Variants in UBR3 observed in about 807,000 individuals in gnomAD.
UBR3 encodes the protein ubiquitin protein ligase E3 component n-recognin 3.
A neutral mutation model predicts 243.2 loss-of-function variants in UBR3; 85 were observed. That is an observed-to-expected ratio of 0.35 (90% CI 0.29 to 0.42). The LOEUF (loss-of-function observed/expected upper bound fraction) is 0.42, where lower values mean the gene tolerates loss of function less well. Ranked by LOEUF, UBR3 falls within the 10% of genes least tolerant of loss-of-function variation. UBR3 has a pLI of 1.00. For missense variants in UBR3, 1,686 were observed against 2,300.8 expected, an observed-to-expected ratio of 0.73 and a Z score of 5.47; for synonymous variants, 748 against 799.8, an observed-to-expected ratio of 0.94 and a Z score of 1.09.
intron 31 of UBR3, among the ~76,000 whole-genome samples, chr2:170,035,655 CT>C (rs1340282174): frequency 6.6e-6 from 1 of 151,740 alleles, no homozygotes; most frequent in African/African-American, 2.4e-5. Context: ...TGTTTTGCCT[CT>C]CTATATAAAT....
intron 29 of UBR3, among the ~76,000 whole-genome samples, chr2:170,011,260 T>C (rs1217142614): frequency 3.3e-5 from 5 of 152,174 alleles, no homozygotes; most frequent in South Asian, 2.1e-4. Context: ...AAATACATTG[T>C]AATTTTCTCA....
intron 1 of UBR3, among the ~76,000 whole-genome samples, chr2:169,855,774 G>C (rs559980007): frequency 2.6e-3 from 393 of 152,314 alleles, no homozygotes; most frequent in Admixed American, 5.9e-3. Context: ...GTAACAATCC[G>C]ATCTCTCTTT....
chr2:169,855,121 G>A (rs2082792254), intron 1 of UBR3, among the ~76,000 whole-genome samples: 2 of 152,120 alleles, frequency 1.3e-5, no homozygotes, highest in Non-Finnish European at 2.9e-5. Flanking sequence ...ATAATATGCA[G>A]ATTCTTTCTT....
chr2:169,915,482 C>T (rs147029380), intron 11 of UBR3, among the ~76,000 whole-genome samples: 2,971 of 152,206 alleles, frequency 0.02, 106 homozygotes, highest in African/African-American at 0.065. Flanking sequence ...GTGATTCACC[C>T]GCCTCAGCCT....
At chr2:170,041,387 A>G (rs2090964875) in intron 32 of UBR3, among the ~76,000 whole-genome samples, 1 of 152,224 alleles carries the variant, frequency 6.6e-6, no homozygotes, top group South Asian at 2.1e-4. Flanking sequence ...AAAATGGTTT[A>G]AAAAATTGAA....
chr2:169,984,465 T>TGG, intron 24 of UBR3, among the ~76,000 whole-genome samples: 1 of 152,314 alleles, frequency 6.6e-6, no homozygotes, highest in East Asian at 1.9e-4. Flanking sequence ...TGACTCTGTA[T>TGG]ATTAGTTTTT....
intron 19 of UBR3, among the ~76,000 whole-genome samples, chr2:169,942,215 G>A (rs1289830055): frequency 6.6e-6 from 1 of 152,066 alleles, no homozygotes; most frequent in Non-Finnish European, 1.5e-5. Flanking sequence ...AGTACTTCAT[G>A]TGTATTCTTT....
chr2:169,968,565 C>T (rs1275019480), intron 24 of UBR3, among the ~76,000 whole-genome samples: 1 of 152,002 alleles, frequency 6.6e-6, no homozygotes, highest in African/African-American at 2.4e-5. Flanking sequence ...CCATTCTATA[C>T]ACACACACAC....
At chr2:170,004,998 T>C (rs10930390) in intron 27 of UBR3, among the ~76,000 whole-genome samples, 122,584 of 151,896 alleles carry the variant, frequency 0.81, 49,898 homozygotes, top group Middle Eastern at 0.89. Flanking sequence ...CCGAGGCGGA[T>C]GGATCACGAG....
intron 1 of UBR3, among the ~76,000 whole-genome samples, chr2:169,871,656 G>C (rs1463746748): frequency 1.3e-5 from 2 of 148,738 alleles, no homozygotes; most frequent in South Asian, 2.1e-4. Flanking sequence ...GCTGAGGTGG[G>C]GGAATCGCTT....
intron 28 of UBR3, among the ~76,000 whole-genome samples, chr2:170,008,080 C>G (rs988830968): frequency 2.0e-5 from 3 of 152,120 alleles, no homozygotes; most frequent in Non-Finnish European, 4.4e-5. Flanking sequence ...ATTGATTGAA[C>G]TGTTCATCAC....
intron 30 of UBR3, among the ~76,000 whole-genome samples, chr2:170,026,364 A>T (rs1050504673): frequency 6.6e-6 from 1 of 152,114 alleles, no homozygotes; most frequent in African/African-American, 2.4e-5. Flanking sequence ...AATTTATTTC[A>T]TATTTGTACA....
chr2:170,061,034 T>A (rs72876447), intron 33 of UBR3, 45 bp from the exon 34 acceptor site: 182,613 of 1,263,758 alleles, frequency 0.14, 14,297 homozygotes, highest in Admixed American at 0.24. Context: ...GTAAATTTTT[T>A]ATAATTTTCA....
Position 169,836,067 on chromosome 2 carries a change from A to ATTTTTTTTT in UBR3, c.545+8033_545+8041dup, listed in dbSNP as rs60845808. On this transcript the variant is annotated intron_variant, in intron 1 of 38. Coordinates refer to ENST00000272793, the MANE Select transcript of UBR3 (RefSeq NM_172070.4). ...TCTATATATATATATATATATATAT[A>ATTTTTTTTT]TTTTTTTTTTTTTTTTTTTTTTTTT... 2.1e-4 allele frequency among the ~76,000 whole-genome samples: 7 copies of ATTTTTTTTT among 32,670 alleles called. 1 individual carries two copies. Among genetic ancestry groups the ATTTTTTTTT allele is most frequent in the Non-Finnish European group, 2.6e-4 (5 of 19,552 alleles). The allele number at this position is 32,670 out of a possible 152,430, so 21.4% of individuals were successfully genotyped here.
intron 33 of UBR3, 99 bp downstream of exon 33, chr2:170,055,683 G>A: frequency 1.8e-5 from 25 of 1,428,306 alleles, no homozygotes; most frequent in Middle Eastern, 1.8e-4. Context: ...ATGAGTTATT[G>A]GTATTTTAAT....
chr2:170,081,872 T>C lies in UBR3; in HGVS notation c.*29T>C. 7.2e-7 allele frequency: 1 copy of C among 1,388,582 alleles called. No homozygotes were observed. The highest frequency in any genetic ancestry group is 9.8e-7 in the Non-Finnish European group (1 of 1,022,182). The allele number at this position is 1,388,582 out of a possible 1,614,324, so 86.0% of individuals were successfully genotyped here. A position where few individuals can be genotyped will look rare whatever the true frequency, so the allele number is the denominator to read the frequency against. On this transcript the variant is annotated 3_prime_UTR_variant, in exon 39 of 39. Transcript: ENST00000272793. The stretch of plus-strand genomic sequence containing the variant: ...TCCACCTCAGCATTGCATCGTATCA[T>C]CATTTTCGCTACGAATTTATTTTTC...
intron 30 of UBR3, among the ~76,000 whole-genome samples, chr2:170,017,911 C>T (rs186656866): frequency 3.7e-4 from 56 of 152,136 alleles, no homozygotes; most frequent in African/African-American, 1.3e-3. Flanking sequence ...ATCTTTAGAA[C>T]GACCATGTGA....
At chr2:169,837,394 T>C (rs1559000708) in intron 1 of UBR3, among the ~76,000 whole-genome samples, 1 of 152,222 alleles carries the variant, frequency 6.6e-6, no homozygotes, top group Non-Finnish European at 1.5e-5. Context: ...GAGAATTGCT[T>C]GAACCTGGGA....
intron 32 of UBR3, among the ~76,000 whole-genome samples, chr2:170,041,496 G>A (rs550172395): frequency 6.6e-6 from 1 of 152,052 alleles, no homozygotes; most frequent in Non-Finnish European, 1.5e-5. Flanking sequence ...TAATTGTAGA[G>A]TTATTAAAAA....
Sources: gnomAD v4.1 joint callset for allele counts (sites outside exome capture counted in the v4.1 genomes callset) on GRCh38, gnomAD v4.1.1 for gene constraint, MANE v1.5 for transcripts, NCBI Gene and HGNC (gene_info 2026-07-23, HGNC 2026-07-21) for gene names.